SLK: variants seen among roughly 807,000 people sequenced by gnomAD.
SLK encodes the protein STE20-like serine/threonine-protein kinase.
SLK carries 67 observed loss-of-function variants against 147.7 expected under a neutral mutation model. The observed-to-expected ratio is 0.45, with a 90% CI of 0.37 to 0.56. The LOEUF is 0.56. Among genes scored for constraint, SLK ranks in the 20% least tolerant of loss-of-function variants. SLK has a pLI of 0.00. For synonymous variants in SLK, 441 were observed against 475.0 expected, an observed-to-expected ratio of 0.93 and a Z score of 0.93; for missense variants, 1,136 against 1,438.8, an observed-to-expected ratio of 0.79 and a Z score of 3.41.
Position 104,008,319 on chromosome 10 carries a change from C to A in SLK, c.2747C>A (p.Ser916Tyr), listed in dbSNP as rs1589541802. The A allele has an allele frequency of 6.2e-7, 1 of 1,612,058 alleles. No homozygotes were observed. Among genetic ancestry groups the A allele is most frequent in the South Asian group, 1.1e-5 (1 of 90,730 alleles). ...AAAGGAGAACAAGAGAAAGAGTTGT[C>A]CAAATTTCAGAATATGCTGAAGAAC... ...RIKGEQEKEL[S>Y]KFQNMLKNRK... Residue 916 changes from serine (S) to tyrosine (Y), a missense_variant, in exon 12 of 19, where the codon TCC becomes TAC. Physicochemically the swap from Ser to Tyr is moderately radical, Grantham distance 144. Around this residue, in one of 6 missense-constraint regions of SLK, gnomAD observed 327 missense variants for 457.5 expected, o/e 0.71. Coordinates refer to ENST00000369755, the MANE Select transcript of SLK (RefSeq NM_014720.4).
chr10:104,025,838 G>A lies in SLK; in HGVS notation c.*118G>A, dbSNP rs574564980. Reference sequence around the variant, plus strand: ...CAATCACCTGCCTCACCTTCTAGGTGTTTTCCTTTTTTGTTTTTTTTGTTT... The same window carrying A: ...CAATCACCTGCCTCACCTTCTAGGTATTTTCCTTTTTTGTTTTTTTTGTTT... On this transcript the variant is annotated 3_prime_UTR_variant, in exon 19 of 19. Coordinates refer to ENST00000369755, the MANE Select transcript of SLK (RefSeq NM_014720.4). 4.6e-6 allele frequency: 4 copies of A among 879,052 alleles called. No individual in the cohort carries two copies. In the South Asian group the frequency reaches 9.6e-5, roughly 21 times the overall value. The allele number at this position is 879,052 out of a possible 1,614,324, so 54.5% of individuals were successfully genotyped here. A position where few individuals can be genotyped will look rare whatever the true frequency, so the allele number is the denominator to read the frequency against.
chr10:104,008,782 A>C (rs1004460831), intron 12 of SLK, among the ~76,000 whole-genome samples: 1 of 152,196 alleles, frequency 6.6e-6, no homozygotes, highest in Non-Finnish European at 1.5e-5. Context: ...GGCAGCAGTG[A>C]TTCATTTTAT....
intron 1 of SLK, among the ~76,000 whole-genome samples, chr10:103,974,083 T>C (rs1424955489): frequency 6.6e-6 from 1 of 152,160 alleles, no homozygotes; most frequent in Non-Finnish European, 1.5e-5. Context: ...AGGTCTTTTC[T>C]TCTTCTTTCG....
In SLK at chr10:104,018,293, A is replaced by T. The variant is rs1564663694; in HGVS notation, c.3007+4A>T. ...AACAAGCAACAGCTCATGAGAGGTA[A>T]TTTTTTTAAAATTAAGAAATACTGC... On this transcript the variant is annotated splice_donor_region_variant and intron_variant, in intron 14 of 18. Transcript: ENST00000369755. 2 of 1,596,728 alleles carry T rather than the reference A, an allele frequency of 1.3e-6. No homozygotes were observed. Among genetic ancestry groups the T allele is most frequent in the Middle Eastern group, 1.7e-4 (1 of 6,020 alleles).
At chr10:104,019,110 A>G in intron 15 of SLK, 1 of 466,590 alleles carries the variant, frequency 2.1e-6, no homozygotes, top group Non-Finnish European at 3.8e-6. Flanking sequence ...TTATAAGGAA[A>G]GTAACTAATT....
chr10:103,997,131 A>G (rs1036600009), intron 4 of SLK, among the ~76,000 whole-genome samples: 2 of 152,106 alleles, frequency 1.3e-5, no homozygotes, highest in Non-Finnish European at 2.9e-5. Flanking sequence ...TTCAGTTTCT[A>G]TGATTTTGAC....
At chr10:104,001,368 A>G in intron 7 of SLK, 76 bp from the exon 8 acceptor site, 1 of 1,166,442 alleles carries the variant, frequency 8.6e-7, no homozygotes, top group Non-Finnish European at 1.3e-6. Flanking sequence ...CCACATAAGA[A>G]TGTGTGTTGT....
Position 104,005,555 on chromosome 10 carries a change from A to C in SLK, c.2350-6A>C. On this transcript the variant is annotated splice_polypyrimidine_tract_variant and splice_region_variant and intron_variant, in intron 9 of 18. Transcript: ENST00000369755. ...CAAAGCCTAACTAAAATAAAATCTC[A>C]CTCAGGAAACAAGAAGACAAAAGAA... is the stretch of plus-strand genomic sequence containing the variant. 1 of 1,598,352 alleles carries C rather than the reference A, an allele frequency of 6.3e-7. No individual in the cohort carries two copies. The highest frequency in any genetic ancestry group is 8.5e-7 in the Non-Finnish European group (1 of 1,175,514).
intron 1 of SLK, among the ~76,000 whole-genome samples, chr10:103,976,497 A>G (rs973411326): frequency 4.6e-5 from 7 of 151,926 alleles, no homozygotes; most frequent in Non-Finnish European, 1.0e-4. Flanking sequence ...CATTTTCCTG[A>G]TGACTAATGA....
chr10:104,001,575 C>A lies in SLK; in HGVS notation c.993+3C>A. 6.2e-7 allele frequency: 1 copy of A among 1,613,270 alleles called. No homozygotes were observed. The highest frequency in any genetic ancestry group is 1.1e-5 in the South Asian group (1 of 90,914). ...AGGAGGAAACAGAAAATTCTCTGGT[C>A]AGTATTTAGGAAAGAAATTTCATTT... On this transcript the variant is annotated splice_donor_region_variant and intron_variant, in intron 8 of 18. Transcript: ENST00000369755.
Position 104,002,234 on chromosome 10 carries a change from A to G in SLK, c.1056A>G (p.Lys352=). The G allele has an allele frequency of 6.2e-7, 1 of 1,610,584 alleles. No homozygotes were observed. Among genetic ancestry groups the G allele is most frequent in the East Asian group, 2.2e-5 (1 of 44,778 alleles). ...GTATCGCCAGCTCTGAAGAAGATAA[A>G]CTTTCACAAAATGCTTGTATTTTGG... ...DLSIASSEED[K]LSQNACILES... is the part of the protein sequence containing the mutation. Residue 352 remains lysine (K), a synonymous_variant, in exon 9 of 19, where the codon AAA becomes AAG. Transcript: ENST00000369755.
intron 1 of SLK, among the ~76,000 whole-genome samples, chr10:103,988,805 T>G (rs1368405671): frequency 2.0e-5 from 3 of 152,260 alleles, no homozygotes; most frequent in South Asian, 2.1e-4. Flanking sequence ...TTTTTTTTAC[T>G]TGGCAGATAT....
intron 18 of SLK, 134 bp from the exon 19 acceptor site, chr10:104,025,440 A>C: frequency 1.3e-6 from 1 of 778,914 alleles, no homozygotes; most frequent in Non-Finnish European, 2.0e-6. Flanking sequence ...ATCTTAAAAA[A>C]TTGAGCAGGC....
In SLK at chr10:104,002,745, A is replaced by T. The variant is rs1411196143; in HGVS notation, c.1567A>T (p.Thr523Ser). 1.9e-6 allele frequency: 3 copies of T among 1,613,968 alleles called. No individual in the cohort carries two copies. Among genetic ancestry groups the T allele is most frequent in the South Asian group, 1.1e-5 (1 of 91,088 alleles). Reference sequence around the variant, plus strand: ...GGCAGTTGATAGTGAAGTTGGGCTTACAAAGGAAGACACCCAAGAGAAATT... The same window carrying T: ...GGCAGTTGATAGTGAAGTTGGGCTTTCAAAGGAAGACACCCAAGAGAAATT... ...IQAVDSEVGL[T>S]KEDTQEKLGE... The change falls in exon 9 of 19, where the codon ACA (threonine) becomes TCA (serine). Residue 523 changes from threonine to serine, a missense_variant. Physicochemically the swap from Thr to Ser is moderately conservative, Grantham distance 58. This residue lies in a region of SLK where 516 missense variants were observed against 531.3 expected (regional missense o/e 0.97). Transcript: ENST00000369755.
intron 7 of SLK, among the ~76,000 whole-genome samples, chr10:104,000,855 C>T (rs972183869): frequency 2.0e-5 from 3 of 151,716 alleles, no homozygotes; most frequent in African/African-American, 7.3e-5. Context: ...GTCAGGAGTT[C>T]CAGACCAGCC....
At chr10:103,987,027 A>G (rs1460498154) in intron 1 of SLK, among the ~76,000 whole-genome samples, 1 of 152,148 alleles carries the variant, frequency 6.6e-6, no homozygotes, top group African/African-American at 2.4e-5. Context: ...GCTCTTTTTT[A>G]AAAATACTTT....
chr10:104,016,832 G>T (rs1379121771), intron 13 of SLK, among the ~76,000 whole-genome samples: 1 of 152,140 alleles, frequency 6.6e-6, no homozygotes, highest in Non-Finnish European at 1.5e-5. Context: ...GAGGCCTCAA[G>T]AATAGTTCCA....
At chr10:103,970,932 A>G (rs1843784099) in intron 1 of SLK, among the ~76,000 whole-genome samples, 1 of 152,230 alleles carries the variant, frequency 6.6e-6, no homozygotes, top group Admixed American at 6.5e-5. Context: ...AAAATGCTCT[A>G]GTGATCATTT....
rs796999789 is a variant in SLK, at chr10:104,029,063, A to G, written c.*3343A>G. 19 of 152,322 alleles carry G rather than the reference A, an allele frequency of 1.2e-4. No homozygotes were observed. Among genetic ancestry groups the G allele is most frequent in the African/African-American group, 4.3e-4 (18 of 41,560 alleles). 9.4% of individuals were successfully genotyped at this position (152,322 alleles called of 1,614,324 possible). Reference sequence around the variant, plus strand: ...GGCGGAGAGTGTTTGCCAGGTTTCAATGTGGGCTGCAGCTTTTTGTGCTCC... The same window carrying G: ...GGCGGAGAGTGTTTGCCAGGTTTCAGTGTGGGCTGCAGCTTTTTGTGCTCC... On this transcript the variant is annotated 3_prime_UTR_variant, in exon 19 of 19. Coordinates refer to ENST00000369755, the MANE Select transcript of SLK (RefSeq NM_014720.4).
Sources: gnomAD v4.1 joint callset for allele counts (sites outside exome capture counted in the v4.1 genomes callset) on GRCh38, gnomAD v4.1.1 for gene constraint, gnomAD v4.1.1 regional missense constraint, MANE v1.5 for transcripts, NCBI Gene and HGNC (gene_info 2026-07-23, HGNC 2026-07-21) for gene names.